Variants in RIMBP2 observed in about 807,000 individuals in gnomAD.
RIMBP2 encodes RIMS-binding protein 2.
In RIMBP2, 48 loss-of-function variants were observed where a neutral mutation model predicts 118.6. The observed-to-expected ratio is 0.40, with a 90% confidence interval of 0.32 to 0.51. RIMBP2 has a LOEUF of 0.51. Ranked by LOEUF, RIMBP2 falls within the 20% of genes least tolerant of loss-of-function variation. The pLI, the probability that RIMBP2 is intolerant of heterozygous loss-of-function variation, is 0.41. For missense variants in RIMBP2, 1,551 were observed against 1,768.3 expected (o/e 0.88, Z 2.20); for synonymous variants, 762 against 742.9 (o/e 1.03, Z -0.42).
intron 1 of RIMBP2, among the ~76,000 whole-genome samples, chr12:130,682,880 G>A (rs2064864050): frequency 6.6e-6 from 1 of 152,234 alleles, no homozygotes; most frequent in South Asian, 2.1e-4. Flanking sequence ...TCACATCCAA[G>A]TATTTCTTTC....
intron 6 of RIMBP2, among the ~76,000 whole-genome samples, chr12:130,467,110 G>A (rs1428091175): frequency 3.3e-5 from 5 of 152,198 alleles, no homozygotes; most frequent in African/African-American, 7.2e-5. Context: ...TAGGCTGAAC[G>A]AACTCTGTGA....
chr12:130,549,455 T>C lies in RIMBP2; in HGVS notation c.-216-31538A>G, dbSNP rs147569595. Among the ~76,000 whole-genome samples, 5 of 152,308 alleles carry C rather than the reference T, an allele frequency of 3.3e-5. No homozygotes were observed. In the East Asian group the frequency reaches 7.7e-4, roughly 23 times the overall value. ...TCACAGGGGCTTGTCGTACAGATTATGTCATCACCCAGGAATTAAGCCCAG... is the reference window on the plus strand; with the variant it reads ...TCACAGGGGCTTGTCGTACAGATTACGTCATCACCCAGGAATTAAGCCCAG... On this transcript the variant is annotated intron_variant, in intron 2 of 22. Transcript: ENST00000690449.
At position 130,525,761 on chromosome 12, in the gene RIMBP2, C is replaced by T. The variant is rs73452768; in HGVS notation, c.-216-7844G>A. 9.3e-3 allele frequency among the ~76,000 whole-genome samples: 1,415 copies of T among 152,262 alleles called. 21 individuals carry two copies. The highest frequency in any genetic ancestry group is 0.032 in the African/African-American group (1,336 of 41,542). ...GCAGCTTTGATCCCCTGGGCTTCTA[C>T]GCTGGGCCAAGAACCAACATAAGCT... On this transcript the variant is annotated intron_variant, in intron 2 of 22. Transcript: ENST00000690449. This position sits in a 1 kb window ranked among gnomAD's most constrained non-coding sequence, Gnocchi z 4.4.
At chr12:130,546,172 T>C (rs1290348565) in intron 2 of RIMBP2, among the ~76,000 whole-genome samples, 1 of 147,344 alleles carries the variant, frequency 6.8e-6, no homozygotes, top group Non-Finnish European at 1.5e-5. Flanking sequence ...GGCGCAATCT[T>C]GGCTCACTGC....
chr12:130,501,384 G>A (rs1369963383), intron 4 of RIMBP2, among the ~76,000 whole-genome samples: 1 of 152,116 alleles, frequency 6.6e-6, no homozygotes, highest in Non-Finnish European at 1.5e-5. Context: ...TAAACTGATT[G>A]AAAACTATGC....
At chr12:130,642,867 C>T (rs7134774) in intron 1 of RIMBP2, among the ~76,000 whole-genome samples, 3,346 of 152,278 alleles carry the variant, frequency 0.022, 110 homozygotes, top group African/African-American at 0.076. Flanking sequence ...GAACGGGTCA[C>T]GTGCCCTCTC....
In RIMBP2 at chr12:130,526,013, A is replaced by T. The variant is rs375054217; in HGVS notation, c.-216-8096T>A. 1.6e-4 allele frequency among the ~76,000 whole-genome samples: 24 copies of T among 152,106 alleles called. No homozygotes were observed. In the East Asian group the frequency reaches 3.3e-3, roughly 21 times the overall value. On this transcript the variant is annotated intron_variant, in intron 2 of 22. Coordinates refer to ENST00000690449, the MANE Select transcript of RIMBP2 (RefSeq NM_001393629.1). ...TCCTCCCTGCCCCAATTTGCCTCTT[A>T]TTCTCCTGAGGAAGAGCATCATCCA... is the stretch of plus-strand genomic sequence containing the variant.
intron 2 of RIMBP2, among the ~76,000 whole-genome samples, chr12:130,618,956 TG>T (rs2061132604): frequency 1.3e-5 from 2 of 152,250 alleles, no homozygotes; most frequent in South Asian, 4.1e-4. Context: ...TCATCACAAA[TG>T]GGTCTTTATC....
At chr12:130,492,001 C>T (rs1417173834) in intron 4 of RIMBP2, among the ~76,000 whole-genome samples, 1 of 152,212 alleles carries the variant, frequency 6.6e-6, no homozygotes, top group Non-Finnish European at 1.5e-5. Flanking sequence ...GAATTATCTC[C>T]TCAACGTCAG....
rs1227333353 is a variant in RIMBP2 at position 130,419,092 on chromosome 12, G to A, written c.3238+3361C>T. On this transcript the variant is annotated intron_variant, in intron 17 of 22. Coordinates refer to ENST00000690449, the MANE Select transcript of RIMBP2 (RefSeq NM_001393629.1). The surrounding 1 kb of genome is among the most constrained non-coding windows in gnomAD (Gnocchi z 4.3). ...AGAGGATGCACTGGATGTGTTATGA[G>A]CACCAAACCTCGACAGGGAAAGAGT... 6.6e-6 allele frequency among the ~76,000 whole-genome samples: 1 copy of A among 152,222 alleles called. No individual in the cohort carries two copies. The highest frequency in any genetic ancestry group is 2.4e-5 in the African/African-American group (1 of 41,462).
intron 2 of RIMBP2, among the ~76,000 whole-genome samples, chr12:130,613,538 C>T (rs999982761): frequency 5.9e-5 from 9 of 152,250 alleles, no homozygotes; most frequent in South Asian, 2.1e-4. Flanking sequence ...CAGTCTCGGC[C>T]GGGCACAGTG....
intron 2 of RIMBP2, among the ~76,000 whole-genome samples, chr12:130,552,912 G>C (rs906750706): frequency 6.6e-6 from 1 of 152,104 alleles, no homozygotes; most frequent in African/African-American, 2.4e-5. Context: ...CAGCACTTGG[G>C]GAGGCCGAGG....
At chr12:130,709,198 G>A (rs114666345) in intron 1 of RIMBP2, among the ~76,000 whole-genome samples, 2,052 of 152,328 alleles carry the variant, frequency 0.013, 53 homozygotes, top group African/African-American at 0.046. Context: ...AGGGCTGGTG[G>A]GCTTGGGGAC....
intron 3 of RIMBP2, among the ~76,000 whole-genome samples, chr12:130,508,725 C>T (rs2050606554): frequency 6.6e-6 from 1 of 152,178 alleles, no homozygotes; most frequent in Non-Finnish European, 1.5e-5. Flanking sequence ...AGAAGTGTCA[C>T]CAGACAGAAG....
intron 6 of RIMBP2, among the ~76,000 whole-genome samples, chr12:130,464,054 C>G (rs1198877968): frequency 6.6e-6 from 1 of 152,176 alleles, no homozygotes; most frequent in Admixed American, 6.5e-5. Context: ...AAGGGTGGAG[C>G]CCTCAGTTCC....
intron 6 of RIMBP2, among the ~76,000 whole-genome samples, chr12:130,467,040 G>C (rs2080544553): frequency 1.3e-5 from 2 of 152,222 alleles, no homozygotes; most frequent in South Asian, 4.1e-4. Context: ...CAGTGAAAGA[G>C]ATCTGACCTA....
intron 22 of RIMBP2, chr12:130,399,105 G>T: frequency 7.3e-7 from 1 of 1,366,474 alleles, no homozygotes; most frequent in Non-Finnish European, 9.5e-7. Context: ...ATCTTCAGTT[G>T]CTCACTTACG....
At chr12:130,515,569 AATATTCC>A (rs1368198688) in intron 3 of RIMBP2, among the ~76,000 whole-genome samples, 1 of 152,230 alleles carries the variant, frequency 6.6e-6, no homozygotes, top group African/African-American at 2.4e-5. Flanking sequence ...AAGGGTCAGT[AATATTCC>A]ATTGGACACA....
intron 13 of RIMBP2, among the ~76,000 whole-genome samples, chr12:130,436,120 G>C (rs60125986): frequency 6.6e-6 from 1 of 152,312 alleles, no homozygotes; most frequent in African/African-American, 2.4e-5. Flanking sequence ...GCGGGCACAC[G>C]TTCTGGCTCC....
Sources: gnomAD v4.1 joint callset for allele counts (sites outside exome capture counted in the v4.1 genomes callset) on GRCh38, gnomAD v4.1.1 for gene constraint, Gnocchi (gnomAD v3.1) non-coding constraint, MANE v1.5 for transcripts, NCBI Gene and HGNC (gene_info 2026-07-23, HGNC 2026-07-21) for gene names.